SOX9: variants seen among roughly 807,000 people sequenced by gnomAD.
SOX9 encodes transcription factor SOX-9.
SOX9 carries 2 observed loss-of-function variants against 44.8 expected under a neutral mutation model. That is an observed-to-expected ratio of 0.04 (90% confidence interval 0.02 to 0.14). The LOEUF is 0.14. SOX9 is among the 10% of genes least tolerant of loss of function. The pLI, the probability that SOX9 is intolerant of heterozygous loss-of-function variation, is 1.00. For missense variants in SOX9, 583 were observed against 728.6 expected, an observed-to-expected ratio of 0.80 and a Z score of 2.30; for synonymous variants, 381 against 331.8, an observed-to-expected ratio of 1.15 and a Z score of -1.61.
chr17:72,124,000 G>T lies in SOX9; in HGVS notation c.1143G>T (p.Thr381=), dbSNP rs371745406. The change falls in exon 3 of 3, where the codon ACG becomes ACT. Residue 381 remains threonine, a synonymous_variant. Coordinates refer to ENST00000245479, the MANE Select transcript of SOX9 (RefSeq NM_000346.4). This position sits in a 1 kb window ranked among gnomAD's most constrained non-coding sequence, Gnocchi z 6.5. The part of the protein sequence containing the change: ...AAPPQQPQAH[T]LTTLSSEPGQ... ...CCCCGCAGCAGCCACAGGCGCACAC[G>T]CTGACCACGCTGAGCAGCGAGCCGG... 1 of 1,598,946 alleles carries T rather than the reference G, an allele frequency of 6.3e-7. No individual in the cohort carries two copies. The highest frequency in any genetic ancestry group is 1.1e-5 in the South Asian group (1 of 89,974).
rs201601287 is a variant in SOX9 at position 72,124,511 on chromosome 17, T to TTTC, written c.*140_*142dup. 27 of 1,219,104 alleles carry TTTC rather than the reference T, an allele frequency of 2.2e-5. No homozygotes were observed. Among genetic ancestry groups the TTTC allele is most frequent in the South Asian group, 3.8e-5 (3 of 78,280 alleles). The allele number at this position is 1,219,104 out of a possible 1,614,324, so 75.5% of individuals were successfully genotyped here. Reference sequence around the variant, plus strand: ...TTTGTTTTTTTATTTTGTTTTGTTTTTTCTTCTTCTTCTTCTTCCTTAAAG... The same window carrying TTTC: ...TTTGTTTTTTTATTTTGTTTTGTTTTTTCTTCTTCTTCTTCTTCTTCCTTAAAG... On this transcript the variant is annotated 3_prime_UTR_variant, in exon 3 of 3. Coordinates refer to ENST00000245479, the MANE Select transcript of SOX9 (RefSeq NM_000346.4). This position sits in a 1 kb window ranked among gnomAD's most constrained non-coding sequence, Gnocchi z 4.6.
rs2143252071 is a variant in SOX9, at chr17:72,123,752, C to A, written c.895C>A (p.Pro299Thr). 6.2e-7 allele frequency: 1 copy of A among 1,613,672 alleles called. No individual in the cohort carries two copies. The highest frequency in any genetic ancestry group is 1.1e-5 in the South Asian group (1 of 91,082). Reference protein sequence around the residue: ...FDVNEFDQYLPPNGHPGVPAT... With the variant: ...FDVNEFDQYLTPNGHPGVPAT... ...TGTCAACGAGTTTGACCAGTACCTG[C>A]CGCCCAACGGCCACCCGGGGGTGCC... The change falls in exon 3 of 3, where the codon CCG becomes ACG. Residue 299 changes from proline (P) to threonine (T), a missense_variant. By Grantham distance (38) the Pro-to-Thr change is conservative. Coordinates refer to ENST00000245479, the MANE Select transcript of SOX9 (RefSeq NM_000346.4). This position sits in a 1 kb window ranked among gnomAD's most constrained non-coding sequence, Gnocchi z 6.5.
rs1353967844 is a variant in SOX9, at chr17:72,126,329, C to T, written c.*1942C>T. 1.3e-5 allele frequency: 3 copies of T among 231,032 alleles called. No homozygotes were observed. The highest frequency in any genetic ancestry group is 2.6e-5 in the Non-Finnish European group (3 of 117,418). 14.3% of individuals were successfully genotyped at this position (231,032 alleles called of 1,614,324 possible). A position where few individuals can be genotyped will look rare whatever the true frequency, so the allele number is the denominator to read the frequency against. On this transcript the variant is annotated 3_prime_UTR_variant, in exon 3 of 3. Coordinates refer to ENST00000245479, the MANE Select transcript of SOX9 (RefSeq NM_000346.4). ...CCCTCCCAGCCCCAAACCTTTTGTT[C>T]TCTCCGTGAAACTTACCTTTCCCTT...
Position 72,123,032 on chromosome 17 carries a change from G to T in SOX9, c.685+60G>T. 2 of 1,593,342 alleles carry T rather than the reference G, an allele frequency of 1.3e-6. No homozygotes were observed. The highest frequency in any genetic ancestry group is 1.7e-6 in the Non-Finnish European group (2 of 1,171,500). The stretch of plus-strand genomic sequence containing the variant: ...CTCCGTCCCGCCTGGCACACCCCCT[G>T]CCCTCCGCCTGGGAGATTCTTCGTG... On this transcript the variant is annotated intron_variant, in intron 2 of 2. Coordinates refer to ENST00000245479, the MANE Select transcript of SOX9 (RefSeq NM_000346.4). This position sits in a 1 kb window ranked among gnomAD's most constrained non-coding sequence, Gnocchi z 6.5.
In SOX9 at chr17:72,124,936, G is replaced by A. The variant is rs1348638281; in HGVS notation, c.*549G>A. The A allele has an allele frequency of 1.3e-5, 3 of 235,344 alleles. No individual in the cohort carries two copies. The highest frequency in any genetic ancestry group is 6.7e-5 in the African/African-American group (3 of 44,732). The allele number at this position is 235,344 out of a possible 1,614,324, so 14.6% of individuals were successfully genotyped here. The stretch of plus-strand genomic sequence containing the variant: ...TTTTCCAACAGCTAAACTACTCTTA[G>A]TTGAACAGTGTGCCCTAGCTTTTCT... On this transcript the variant is annotated 3_prime_UTR_variant, in exon 3 of 3. Transcript: ENST00000245479. The surrounding 1 kb of genome is among the most constrained non-coding windows in gnomAD (Gnocchi z 4.6).
rs372746772 is a variant in SOX9 at position 72,123,015 on chromosome 17, C to T, written c.685+43C>T. The T allele has an allele frequency of 4.4e-6, 7 of 1,604,616 alleles. No individual in the cohort carries two copies. The highest frequency in any genetic ancestry group is 5.9e-6 in the Non-Finnish European group (7 of 1,178,496). On this transcript the variant is annotated intron_variant, in intron 2 of 2. Coordinates refer to ENST00000245479, the MANE Select transcript of SOX9 (RefSeq NM_000346.4). This position sits in a 1 kb window ranked among gnomAD's most constrained non-coding sequence, Gnocchi z 6.5. ...CCCACCGGACAAGCTATCTCCGTCCCGCCTGGCACACCCCCTGCCCTCCGC... is the reference window on the plus strand; with the variant it reads ...CCCACCGGACAAGCTATCTCCGTCCTGCCTGGCACACCCCCTGCCCTCCGC...
rs368191855 is a variant in SOX9 at position 72,123,571 on chromosome 17, C to A, written c.714C>A (p.Pro238=). Residue 238 remains proline, a synonymous_variant, in exon 3 of 3, where the codon CCC becomes CCA. Transcript: ENST00000245479. This position sits in a 1 kb window ranked among gnomAD's most constrained non-coding sequence, Gnocchi z 6.5. ...SGQSQGPPTP[P]TTPKTDVQPG... ...AATCCCAGGGCCCACCGACCCCACC[C>A]ACCACCCCCAAAACCGACGTGCAGC... 2 of 1,613,594 alleles carry A rather than the reference C, an allele frequency of 1.2e-6. No homozygotes were observed. The highest frequency in any genetic ancestry group is 3.3e-5 in the Admixed American group (2 of 60,030).
In SOX9 at chr17:72,121,346, G is replaced by T. The variant is rs767654435; in HGVS notation, c.-46G>T. 1 of 1,576,760 alleles carries T rather than the reference G, an allele frequency of 6.3e-7. No individual in the cohort carries two copies. The highest frequency in any genetic ancestry group is 2.2e-5 in the East Asian group (1 of 44,568). ...CGCCTCGAGTCCCCGAGCCGCCGCG[G>T]CTTCTCGCCTTTCCCGGCCACCAGC... On this transcript the variant is annotated 5_prime_UTR_variant, in exon 1 of 3. Coordinates refer to ENST00000245479, the MANE Select transcript of SOX9 (RefSeq NM_000346.4). The surrounding 1 kb of genome is among the most constrained non-coding windows in gnomAD (Gnocchi z 8.3).
Position 72,123,664 on chromosome 17 carries a change from C to A in SOX9, c.807C>A (p.Asp269Glu), listed in dbSNP as rs778335883. 5.6e-6 allele frequency: 9 copies of A among 1,614,066 alleles called. No individual in the cohort carries two copies. Among genetic ancestry groups the A allele is most frequent in the Non-Finnish European group, 5.1e-6 (6 of 1,179,990 alleles). Residue 269 changes from aspartate to glutamate, a missense_variant, in exon 3 of 3, where the codon GAC becomes GAA. Asp to Glu is a conservative substitution (Grantham distance 45). This residue lies in a region of SOX9 where 349 missense variants were observed against 387.0 expected (regional missense o/e 0.90). Transcript: ENST00000245479. The surrounding 1 kb of genome is among the most constrained non-coding windows in gnomAD (Gnocchi z 6.5). ...LPEGGRQPPI[D>E]FRDVDIGELS... ...AGGGGGGCAGACAGCCCCCTATCGA[C>A]TTCCGCGACGTGGACATCGGCGAGC...
rs1293988791 is a variant in SOX9 at position 72,125,669 on chromosome 17, T to TA, written c.*1283dup. 7 of 228,284 alleles carry TA rather than the reference T, an allele frequency of 3.1e-5. No homozygotes were observed. In the East Asian group the frequency reaches 4.4e-4, roughly 14 times the overall value. 14.1% of individuals were successfully genotyped at this position (228,284 alleles called of 1,614,324 possible). ...TTCTTAACTGTAACCAGTTTTTTTT[T>TA]ATTTATCTCTTTAATCTTTTTTTAT... On this transcript the variant is annotated 3_prime_UTR_variant, in exon 3 of 3. Coordinates refer to ENST00000245479, the MANE Select transcript of SOX9 (RefSeq NM_000346.4).
Position 72,122,908 on chromosome 17 carries a change from G to A in SOX9, c.621G>A (p.Leu207=), listed in dbSNP as rs1002435696. 1 of 1,614,010 alleles carries A rather than the reference G, an allele frequency of 6.2e-7. No individual in the cohort carries two copies. Among genetic ancestry groups the A allele is most frequent in the African/African-American group, 1.3e-5 (1 of 74,916 alleles). ...HISPNAIFKA[L]QADSPHSSSG... Reference sequence around the variant, plus strand: ...CCCCCAACGCCATCTTCAAGGCGCTGCAGGCCGACTCGCCACACTCCTCCT... The same window carrying A: ...CCCCCAACGCCATCTTCAAGGCGCTACAGGCCGACTCGCCACACTCCTCCT... The change falls in exon 2 of 3, where the codon CTG becomes CTA. Residue 207 remains leucine (L), a synonymous_variant. Transcript: ENST00000245479.
chr17:72,124,786 TAAAG>T lies in SOX9; in HGVS notation c.*403_*406del, dbSNP rs1356001293. On this transcript the variant is annotated 3_prime_UTR_variant, in exon 3 of 3. Coordinates refer to ENST00000245479, the MANE Select transcript of SOX9 (RefSeq NM_000346.4). This position sits in a 1 kb window ranked among gnomAD's most constrained non-coding sequence, Gnocchi z 4.6. ...TTGTAATTATTTTTTTAGCAGTAAT[TAAAG>T]AAAAAAGTCCTCTGTGAGGAATATT... The T allele has an allele frequency of 4.3e-5, 16 of 374,752 alleles. No individual in the cohort carries two copies. The highest frequency in any genetic ancestry group is 6.4e-5 in the Non-Finnish European group (13 of 202,862). The allele number at this position is 374,752 out of a possible 1,614,324, so 23.2% of individuals were successfully genotyped here. A position where few individuals can be genotyped will look rare whatever the true frequency, so the allele number is the denominator to read the frequency against.
chr17:72,122,978 T>TC lies in SOX9; in HGVS notation c.685+7dup, dbSNP rs772013619. Reference sequence around the variant, plus strand: ...CTCCCCCGGCGAGCACTCGGGTGAGTCGCCCCTCGACCCCACCGGACAAGC... The same window carrying TC: ...CTCCCCCGGCGAGCACTCGGGTGAGTCCGCCCCTCGACCCCACCGGACAAGC... On this transcript the variant is annotated splice_region_variant and intron_variant, in intron 2 of 2. Transcript: ENST00000245479. 1.2e-6 allele frequency: 2 copies of TC among 1,611,712 alleles called. No individual in the cohort carries two copies. The highest frequency in any genetic ancestry group is 2.7e-5 in the African/African-American group (2 of 74,878).
At position 72,123,622 on chromosome 17, in the gene SOX9, G is replaced by A. The variant is rs776612671; in HGVS notation, c.765G>A (p.Glu255=). 58 of 1,613,796 alleles carry A rather than the reference G, an allele frequency of 3.6e-5. No individual in the cohort carries two copies. The highest frequency in any genetic ancestry group is 4.5e-5 in the Non-Finnish European group (53 of 1,179,954). ...VQPGKADLKR[E]GRPLPEGGRQ... Reference sequence around the variant, plus strand: ...CGGGCAAGGCTGACCTGAAGCGAGAGGGGCGCCCCTTGCCAGAGGGGGGCA... The same window carrying A: ...CGGGCAAGGCTGACCTGAAGCGAGAAGGGCGCCCCTTGCCAGAGGGGGGCA... The change falls in exon 3 of 3, where the codon GAG becomes GAA. Residue 255 remains glutamate, a synonymous_variant. Coordinates refer to ENST00000245479, the MANE Select transcript of SOX9 (RefSeq NM_000346.4). The surrounding 1 kb of genome is among the most constrained non-coding windows in gnomAD (Gnocchi z 6.5).
rs1485820060 is a variant in SOX9, at chr17:72,121,546, C to T, written c.155C>T (p.Thr52Met). ...GAGAACACGCGGCCCCAGGAGAACA[C>T]GTTCCCCAAGGGCGAGCCCGATCTG... is the stretch of plus-strand genomic sequence containing the variant. ...DTENTRPQEN[T>M]FPKGEPDLKK... Residue 52 changes from threonine to methionine, a missense_variant, in exon 1 of 3, where the codon ACG becomes ATG. By Grantham distance (81) the Thr-to-Met change is moderately conservative (BLOSUM62 -1). Coordinates refer to ENST00000245479, the MANE Select transcript of SOX9 (RefSeq NM_000346.4). This position sits in a 1 kb window ranked among gnomAD's most constrained non-coding sequence, Gnocchi z 8.3. 1.2e-6 allele frequency: 2 copies of T among 1,609,218 alleles called. No homozygotes were observed. The highest frequency in any genetic ancestry group is 2.7e-5 in the African/African-American group (2 of 74,834).
chr17:72,122,631 GCCT>G, intron 1 of SOX9, 85 bp from the exon 2 acceptor site: 2 of 1,384,274 alleles, frequency 1.4e-6, no homozygotes, highest in South Asian at 1.3e-5. Flanking sequence ...CTGGGTCGCC[GCCT>G]CCTCCCCGCC....
chr17:72,121,700 G>A lies in SOX9; in HGVS notation c.309G>A (p.Pro103=), dbSNP rs1183361532. 1 of 1,604,284 alleles carries A rather than the reference G, an allele frequency of 6.2e-7. No individual in the cohort carries two copies. ...TCAACGGCTCCAGCAAGAACAAGCC[G>A]CACGTCAAGCGGCCCATGAACGCCT... is the stretch of plus-strand genomic sequence containing the variant. ...VRVNGSSKNK[P]HVKRPMNAFM... is the part of the protein sequence containing the mutation. The change falls in exon 1 of 3, where the codon CCG becomes CCA. Residue 103 remains proline, a synonymous_variant. Transcript: ENST00000245479. The surrounding 1 kb of genome is among the most constrained non-coding windows in gnomAD (Gnocchi z 8.3).
Position 72,123,429 on chromosome 17 carries a change from G to A in SOX9, c.686-114G>A. The A allele has an allele frequency of 2.1e-6, 3 of 1,439,570 alleles. No individual in the cohort carries two copies. The highest frequency in any genetic ancestry group is 2.9e-6 in the Non-Finnish European group (3 of 1,028,646). The allele number at this position is 1,439,570 out of a possible 1,614,324, so 89.2% of individuals were successfully genotyped here. The stretch of plus-strand genomic sequence containing the variant: ...GGTGCAGCGCGCCTCTTGCGCGGGT[G>A]CGGGCCCTTATTACACTTTAGCAGC... On this transcript the variant is annotated intron_variant, in intron 2 of 2. Coordinates refer to ENST00000245479, the MANE Select transcript of SOX9 (RefSeq NM_000346.4). This position sits in a 1 kb window ranked among gnomAD's most constrained non-coding sequence, Gnocchi z 6.5.
In SOX9 at chr17:72,123,113, CT is replaced by C; in HGVS notation, c.685+142del. On this transcript the variant is annotated intron_variant, in intron 2 of 2. Transcript: ENST00000245479. This position sits in a 1 kb window ranked among gnomAD's most constrained non-coding sequence, Gnocchi z 6.5. ...TGCCCTTTGCGCCCGTCCCGCTCCCCTCTCTACCCAGAGCCTAAGAGGCATC... is the reference window on the plus strand; with the variant it reads ...TGCCCTTTGCGCCCGTCCCGCTCCCCCTCTACCCAGAGCCTAAGAGGCATC... The C allele has an allele frequency of 9.9e-7, 1 of 1,006,418 alleles. No homozygotes were observed. The highest frequency in any genetic ancestry group is 1.5e-5 in the South Asian group (1 of 67,468). 62.3% of individuals were successfully genotyped at this position (1,006,418 alleles called of 1,614,324 possible). A position where few individuals can be genotyped will look rare whatever the true frequency, so the allele number is the denominator to read the frequency against.
Sources: gnomAD v4.1 joint callset for allele counts on GRCh38, gnomAD v4.1.1 for gene constraint, gnomAD v4.1.1 regional missense constraint, Gnocchi (gnomAD v3.1) non-coding constraint, MANE v1.5 for transcripts, NCBI Gene and HGNC (gene_info 2026-07-23, HGNC 2026-07-21) for gene names.